The following TIMELESS variants were observed in gnomAD, a reference collection of about 807,000 sequenced individuals.
TIMELESS encodes the protein timeless circadian regulator.
In TIMELESS, 124 loss-of-function variants were observed where a neutral mutation model predicts 164.3. The observed-to-expected ratio is 0.75, with a 90% CI of 0.65 to 0.88. The LOEUF (loss-of-function observed/expected upper bound fraction) is 0.88. Among genes scored for constraint, TIMELESS ranks in the 40% least tolerant of loss-of-function variants. TIMELESS has a pLI of 0.00. For missense variants in TIMELESS, 1,422 were observed against 1,491.4 expected (o/e 0.95, Z 0.77); for synonymous variants, 564 against 563.4 (o/e 1.00, Z -0.02).
chr12:56,430,218 CGG>C lies in TIMELESS; in HGVS notation c.971_972del (p.Ala324GlyfsTer24). ...QPKKVPKRRQ[A>X]ARELSIQRRS... ...CGGCGCTGAATGGACAGCTCTCGGG[CGG>C]CCTGGCGACGTTTAGGCACCTTTTT... On this transcript the variant is annotated frameshift_variant, in exon 10 of 29. Transcript: ENST00000553532. LOFTEE classifies it high-confidence loss of function. The C allele has an allele frequency of 6.2e-7, 1 of 1,614,000 alleles. No individual in the cohort carries two copies. Among genetic ancestry groups the C allele is most frequent in the Non-Finnish European group, 8.5e-7 (1 of 1,179,978 alleles).
chr12:56,444,070 G>T (rs1004527254), intron 1 of TIMELESS, among the ~76,000 whole-genome samples: 1 of 151,946 alleles, frequency 6.6e-6, no homozygotes, highest in Non-Finnish European at 1.5e-5. Flanking sequence ...GCTAATTTTT[G>T]TATTTTTAGT....
Position 56,423,632 on chromosome 12 carries a change from A to T in TIMELESS, c.2042T>A (p.Val681Glu). Residue 681 changes from valine to glutamate, a missense_variant, in exon 17 of 29, where the codon GTG (valine) becomes GAG (glutamate). Val to Glu is a moderately radical substitution (Grantham distance 121). Transcript: ENST00000553532. ...EEEEEEEELQ[V>E]VQVSEKEFNF... ...AAATTCTTTCTCCGACACCTGGACC[A>T]CTTGCAACTCCTCCTCTTCCTCCTC... 2 of 1,614,104 alleles carry T rather than the reference A, an allele frequency of 1.2e-6. No homozygotes were observed. The highest frequency in any genetic ancestry group is 1.7e-6 in the Non-Finnish European group (2 of 1,180,034).
rs1565684426 is a variant in TIMELESS at position 56,431,370 on chromosome 12, A to AC, written c.821+100_821+101insG. 1.4e-3 allele frequency: 1,865 copies of AC among 1,326,094 alleles called. 5 individuals carry two copies. The highest frequency in any genetic ancestry group is 2.3e-3 in the East Asian group (92 of 40,038). 82.1% of individuals were successfully genotyped at this position (1,326,094 alleles called of 1,614,324 possible). A position where few individuals can be genotyped will look rare whatever the true frequency, so the allele number is the denominator to read the frequency against. On this transcript the variant is annotated intron_variant, in intron 8 of 28. Transcript: ENST00000553532. ...ATTCTGTCTCAAAAAAAAAAAAAAA[A>AC]AACACTAAAATGTTGTTCAATCACC...
At chr12:56,432,885 A>ACAGAGCTT in intron 6 of TIMELESS, 141 bp downstream of exon 6, 1 of 654,748 alleles carries the variant, frequency 1.5e-6, no homozygotes, top group South Asian at 2.0e-5. Context: ...AACCCAGGAG[A>ACAGAGCTT]CAGAGCTTGC....
At chr12:56,444,730 G>GGAA (rs565189677) in intron 1 of TIMELESS, among the ~76,000 whole-genome samples, 1 of 151,818 alleles carries the variant, frequency 6.6e-6, no homozygotes, top group African/African-American at 2.4e-5. Context: ...CTTAAGGGGG[G>GGAA]AAAAATCCAA....
At chr12:56,431,240 G>C (rs1881867440) in intron 8 of TIMELESS, among the ~76,000 whole-genome samples, 1 of 151,940 alleles carries the variant, frequency 6.6e-6, no homozygotes, top group East Asian at 1.9e-4. Flanking sequence ...TGTAGTCCCA[G>C]CTACTGGGGA....
rs370443220 is a variant in TIMELESS at position 56,444,489 on chromosome 12, T to C, written c.-62+4821A>G. Among the ~76,000 whole-genome samples the C allele has an allele frequency of 3.8e-4, 58 of 152,314 alleles. 1 individual carries two copies. The South Asian group carries it at 0.011, about 29-fold the overall frequency. The stretch of plus-strand genomic sequence containing the variant: ...TCCTGTCCCTTAGTTGGTTATTCCT[T>C]ATTTCCAACCTTCCCTTTATACTAG... On this transcript the variant is annotated intron_variant, in intron 1 of 28. Coordinates refer to ENST00000553532, the MANE Select transcript of TIMELESS (RefSeq NM_003920.5).
chr12:56,447,679 A>G (rs777872347), intron 1 of TIMELESS, among the ~76,000 whole-genome samples: 4 of 152,182 alleles, frequency 2.6e-5, no homozygotes, highest in African/African-American at 7.2e-5. Context: ...TGCATGGTAC[A>G]TGTTAGGAGC....
At position 56,425,197 on chromosome 12, in the gene TIMELESS, G is replaced by T. The variant is rs1299431760; in HGVS notation, c.1579-45C>A. 2.7e-6 allele frequency: 4 copies of T among 1,456,802 alleles called. No individual in the cohort carries two copies. In the South Asian group the frequency reaches 4.9e-5, roughly 18 times the overall value. The allele number at this position is 1,456,802 out of a possible 1,614,324, so 90.2% of individuals were successfully genotyped here. ...TTAGGATGTCAAGAGAGCTAAAGAG[G>T]GCTTTCCCCATCAGTGTCTTTTCTA... On this transcript the variant is annotated intron_variant, in intron 13 of 28. Coordinates refer to ENST00000553532, the MANE Select transcript of TIMELESS (RefSeq NM_003920.5).
intron 1 of TIMELESS, among the ~76,000 whole-genome samples, chr12:56,437,786 C>G (rs1179557973): frequency 6.6e-6 from 1 of 152,108 alleles, no homozygotes; most frequent in African/African-American, 2.4e-5. Context: ...CTTATGATGA[C>G]CCCGTATGAT....
At chr12:56,429,491 C>T (rs1462352421) in intron 10 of TIMELESS, among the ~76,000 whole-genome samples, 4 of 143,356 alleles carry the variant, frequency 2.8e-5, no homozygotes, top group South Asian at 2.2e-4. Flanking sequence ...AGCCACTGCG[C>T]CTGGTCTTTT....
chr12:56,428,388 T>C lies in TIMELESS; in HGVS notation c.1426A>G (p.Met476Val), dbSNP rs1358761971. Residue 476 changes from methionine (M) to valine (V), a missense_variant, in exon 13 of 29, where the codon ATG (methionine) becomes GTG (valine). Met to Val is a conservative substitution (Grantham distance 21). Transcript: ENST00000553532. ...GCCAGGAATAGTTCTCGGTACTCCA[T>C]CACATAGAAAATATTGTCTAGGAAT... ...RIIKNNIFYV[M>V]EYRELFLALF... The C allele has an allele frequency of 6.2e-7, 1 of 1,610,370 alleles. No homozygotes were observed. Among genetic ancestry groups the C allele is most frequent in the South Asian group, 1.1e-5 (1 of 90,876 alleles).
rs758113731 is a variant in TIMELESS at position 56,431,588 on chromosome 12, G to A, written c.704C>T (p.Ala235Val). The A allele has an allele frequency of 2.4e-5, 38 of 1,612,178 alleles. No individual in the cohort carries two copies. The Middle Eastern group carries it at 6.6e-4, about 28-fold the overall frequency. Residue 235 changes from alanine to valine, a missense_variant, in exon 8 of 29, where the codon GCG becomes GTG. By Grantham distance (64) the Ala-to-Val change is moderately conservative. Coordinates refer to ENST00000553532, the MANE Select transcript of TIMELESS (RefSeq NM_003920.5). The part of the protein sequence containing the change: ...MFRDQNPEQL[A>V]GVGQGRLAQE... ...AGCTAAGCGTCCCTGCCCTACTCCC[G>A]CCAGCTGCTCGGGGTTCTAGATTGG...
In TIMELESS at chr12:56,425,164, G is replaced by T. The variant is rs1477279649; in HGVS notation, c.1579-12C>A. Reference sequence around the variant, plus strand: ...TTCTTTTGTTTGTTCTGTGGGGAAAGAATTGTATTAGGATGTCAAGAGAGC... The same window carrying T: ...TTCTTTTGTTTGTTCTGTGGGGAAATAATTGTATTAGGATGTCAAGAGAGC... On this transcript the variant is annotated splice_polypyrimidine_tract_variant and intron_variant, in intron 13 of 28. Transcript: ENST00000553532. The T allele has an allele frequency of 6.2e-7, 1 of 1,609,620 alleles. No homozygotes were observed.
rs1328537084 is a variant in TIMELESS, at chr12:56,419,977, A to G, written c.3228+592T>C. ...AGCTGAGACTGAGCCACTGCACTCC[A>G]GCCTGGGTGATGGAGTGAGACTCTG... is the stretch of plus-strand genomic sequence containing the variant. On this transcript the variant is annotated intron_variant, in intron 26 of 28. Transcript: ENST00000553532. Among the ~76,000 whole-genome samples, 7 of 115,472 alleles carry G rather than the reference A, an allele frequency of 6.1e-5. No individual in the cohort carries two copies. In the South Asian group the frequency reaches 1.0e-3, roughly 16 times the overall value. 75.8% of individuals were successfully genotyped at this position (115,472 alleles called of 152,430 possible). A position where few individuals can be genotyped will look rare whatever the true frequency, so the allele number is the denominator to read the frequency against.
Position 56,423,688 on chromosome 12 carries a change from T to C in TIMELESS, c.1986A>G (p.Glu662=). 1.2e-6 allele frequency: 2 copies of C among 1,614,022 alleles called. No individual in the cohort carries two copies. Reference sequence around the variant, plus strand: ...CCTCTTCTTCTTCCTCTGCCCCACGTTCCTCTGGGCCCTGCTGCCCTATAG... The same window carrying C: ...CCTCTTCTTCTTCCTCTGCCCCACGCTCCTCTGGGCCCTGCTGCCCTATAG... ...APLPRQQGPE[E]RGAEEEEEEE... is the part of the protein sequence containing the mutation. Residue 662 remains glutamate (E), a synonymous_variant, in exon 17 of 29, where the codon GAA becomes GAG. Transcript: ENST00000553532.
chr12:56,437,038 C>A (rs916028897), intron 1 of TIMELESS, among the ~76,000 whole-genome samples: 1 of 151,254 alleles, frequency 6.6e-6, no homozygotes, highest in Non-Finnish European at 1.5e-5. Context: ...TTAAGTGATT[C>A]TTTGCCTCAG....
At chr12:56,424,624 A>G in intron 15 of TIMELESS, 138 bp downstream of exon 15, 1 of 992,388 alleles carries the variant, frequency 1.0e-6, no homozygotes, top group African/African-American at 1.7e-5. Flanking sequence ...ACCAATCAAA[A>G]CGCCCCAGGA....
intron 7 of TIMELESS, 85 bp downstream of exon 7, chr12:56,432,283 GC>G (rs1881911536): frequency 6.8e-7 from 1 of 1,475,418 alleles, no homozygotes. Context: ...CCCAGATAAT[GC>G]AGCCATTATC....
Sources: allele counts gnomAD v4.1 joint callset (sites outside exome capture counted in the v4.1 genomes callset), GRCh38; gene constraint gnomAD v4.1.1; transcripts MANE v1.5; gene names NCBI Gene and HGNC (gene_info 2026-07-23, HGNC 2026-07-21).